TRAPPC1: variants seen among roughly 807,000 people sequenced by gnomAD.
The protein encoded by TRAPPC1 is BET5 homolog.
A neutral mutation model predicts 17.2 loss-of-function variants in TRAPPC1; 10 were observed. The ratio of observed to expected loss-of-function variants is 0.58; its 90% CI spans 0.36 to 0.99. The LOEUF (loss-of-function observed/expected upper bound fraction) is 0.99. Ranked by LOEUF, TRAPPC1 falls within the 50% of genes least tolerant of loss-of-function variation. TRAPPC1 has a pLI of 0.01. For synonymous variants in TRAPPC1, 85 were observed against 74.5 expected (o/e 1.14, Z -0.72); for missense variants, 163 against 184.4 (o/e 0.88, Z 0.67).
chr17:7,931,987 A>C (rs1972550864), upstream of TRAPPC1: 5 of 667,354 alleles, frequency 7.5e-6, no homozygotes, highest in Admixed American at 9.7e-5. Flanking sequence ...GTTTCCACGG[A>C]GCTCCGCCCC....
chr17:7,931,180 G>C, intron 2 of TRAPPC1, 31 bp from the exon 3 acceptor site: 1 of 1,611,124 alleles, frequency 6.2e-7, no homozygotes, highest in Non-Finnish European at 8.5e-7. Flanking sequence ...TTAAAGAATG[G>C]GAGCAGAATC....
chr17:7,931,639 C>T (rs904732818), intron 1 of TRAPPC1, 63 bp from the exon 2 acceptor site: 3 of 1,497,008 alleles, frequency 2.0e-6, no homozygotes, highest in East Asian at 4.5e-5. Context: ...GGGGTGGGAA[C>T]GAGCTGGGGT....
In TRAPPC1 at chr17:7,930,576, G is replaced by A; in HGVS notation, c.*30C>T. 6.2e-7 allele frequency: 1 copy of A among 1,613,640 alleles called. No individual in the cohort carries two copies. The highest frequency in any genetic ancestry group is 8.5e-7 in the Non-Finnish European group (1 of 1,179,858). ...GTTCGGAAGGGCCCCAGGCAGACATGAATTCTCCTGAGACTTGAGGTAGGT... is the reference window on the plus strand; with the variant it reads ...GTTCGGAAGGGCCCCAGGCAGACATAAATTCTCCTGAGACTTGAGGTAGGT... On this transcript the variant is annotated 3_prime_UTR_variant, in exon 4 of 4. Transcript: ENST00000303731.
rs1972480461 is a variant in TRAPPC1 at position 7,931,199 on chromosome 17, A to C, written c.171-50T>G. The stretch of plus-strand genomic sequence containing the variant: ...AGAATGGGAGCAGAATCTCTCCCAA[A>C]GAGACACTTCTGATCCCCGCAAACA... On this transcript the variant is annotated intron_variant, in intron 2 of 3. Transcript: ENST00000303731. 4 of 1,601,000 alleles carry C rather than the reference A, an allele frequency of 2.5e-6. No homozygotes were observed. In the East Asian group the frequency reaches 6.7e-5, roughly 27 times the overall value.
chr17:7,930,391 G>A lies in TRAPPC1; in HGVS notation c.*215C>T. 1.7e-6 allele frequency: 1 copy of A among 584,908 alleles called. No homozygotes were observed. Among genetic ancestry groups the A allele is most frequent in the Non-Finnish European group, 3.0e-6 (1 of 331,756 alleles). 36.2% of individuals were successfully genotyped at this position (584,908 alleles called of 1,614,324 possible). A position where few individuals can be genotyped will look rare whatever the true frequency, so the allele number is the denominator to read the frequency against. On this transcript the variant is annotated 3_prime_UTR_variant, in exon 4 of 4. Coordinates refer to ENST00000303731, the MANE Select transcript of TRAPPC1 (RefSeq NM_021210.5). ...TATTCTGTGCTTCTCGCAGCATTAG[G>A]CAGGGGATAAAACTGGAGAGAGGGC...
intron 1 of TRAPPC1, 58 bp from the exon 2 acceptor site, chr17:7,931,634 G>T: frequency 1.5e-6 from 1 of 681,508 alleles, no homozygotes; most frequent in Non-Finnish European, 2.6e-6. Flanking sequence ...GGTGGGGGGT[G>T]GGAACGAGCT....
chr17:7,931,483 A>G (rs771549251), intron 2 of TRAPPC1, 23 bp downstream of exon 2: 9 of 1,610,902 alleles, frequency 5.6e-6, no homozygotes, highest in Non-Finnish European at 5.9e-6. Flanking sequence ...CCTCCTCCCA[A>G]CATCTTCTCT....
chr17:7,931,444 TC>T (rs1307562876), intron 2 of TRAPPC1, 61 bp downstream of exon 2: 49 of 1,546,138 alleles, frequency 3.2e-5, no homozygotes, highest in Non-Finnish European at 4.3e-5. Context: ...TCAGAAAGTT[TC>T]CCCCATCCCC....
At chr17:7,931,184 C>G in intron 2 of TRAPPC1, 35 bp from the exon 3 acceptor site, 1 of 1,609,180 alleles carries the variant, frequency 6.2e-7, no homozygotes, top group Non-Finnish European at 8.5e-7. Flanking sequence ...AGAATGGGAG[C>G]AGAATCTCTC....
At chr17:7,931,984 C>G, upstream of TRAPPC1, 1 of 671,702 alleles carries the variant, frequency 1.5e-6, no homozygotes, top group South Asian at 1.7e-5. Context: ...CCGGTTTCCA[C>G]GGAGCTCCGC....
At position 7,930,547 on chromosome 17, in the gene TRAPPC1, A is replaced by C; in HGVS notation, c.*59T>G. The C allele has an allele frequency of 2.5e-6, 4 of 1,609,728 alleles. No individual in the cohort carries two copies. Among genetic ancestry groups the C allele is most frequent in the Non-Finnish European group, 3.4e-6 (4 of 1,178,218 alleles). ...CTTACAGTGGGGGCCCTTAGTTGGC[A>C]CAGGTTCGGAAGGGCCCCAGGCAGA... On this transcript the variant is annotated 3_prime_UTR_variant, in exon 4 of 4. Coordinates refer to ENST00000303731, the MANE Select transcript of TRAPPC1 (RefSeq NM_021210.5).
Position 7,931,921 on chromosome 17 carries a change from AC to A in TRAPPC1, c.-93del, listed in dbSNP as rs1200009509. On this transcript the variant is annotated 5_prime_UTR_variant, in exon 1 of 4. Coordinates refer to ENST00000303731, the MANE Select transcript of TRAPPC1 (RefSeq NM_021210.5). The stretch of plus-strand genomic sequence containing the variant: ...CCCACAGCCTTCCAACCAGGTGGGG[AC>A]CCCACCCACGGACTCACCGGAACTG... 2 of 1,092,062 alleles carry A rather than the reference AC, an allele frequency of 1.8e-6. No homozygotes were observed. The highest frequency in any genetic ancestry group is 3.1e-5 in the African/African-American group (2 of 64,842). 67.6% of individuals were successfully genotyped at this position (1,092,062 alleles called of 1,614,324 possible).
In TRAPPC1 at chr17:7,930,607, C is replaced by T. The variant is rs1317319894; in HGVS notation, c.437G>A (p.Ter146=). The change falls in exon 4 of 4, where the codon TGA becomes TAA. Residue 146 remains the stop codon, a stop_retained_variant. Transcript: ENST00000303731. ...SLPFFSARAG[*] is the part of the protein sequence containing the mutation. Reference sequence around the variant, plus strand: ...TCCTGAGACTTGAGGTAGGTTGCTTCAGCCAGCCCGGGCGGAGAAGAAGGG... The same window carrying T: ...TCCTGAGACTTGAGGTAGGTTGCTTTAGCCAGCCCGGGCGGAGAAGAAGGG... The T allele has an allele frequency of 1.2e-6, 2 of 1,614,100 alleles. No homozygotes were observed.
chr17:7,931,381 C>T, intron 2 of TRAPPC1, 125 bp downstream of exon 2: 1 of 1,131,850 alleles, frequency 8.8e-7, no homozygotes, highest in South Asian at 1.4e-5. Flanking sequence ...GCTCCGGACT[C>T]AGCCTCTCTT....
At chr17:7,930,873 G>C (rs959574166) in intron 3 of TRAPPC1, 138 bp downstream of exon 3, 36 of 1,485,720 alleles carry the variant, frequency 2.4e-5, no homozygotes, top group African/African-American at 4.2e-5. Flanking sequence ...GAAAGTGGTG[G>C]TGGGAGTTAA....
At position 7,930,695 on chromosome 17, in the gene TRAPPC1, G is replaced by A. The variant is rs765867659; in HGVS notation, c.349C>T (p.Leu117=). Reference sequence around the variant, plus strand: ...AGCTCACTTTGCACAGTTTGGCCCAGCGGGCACAGGGGATTCTTCACCACC... The same window carrying A: ...AGCTCACTTTGCACAGTTTGGCCCAACGGGCACAGGGGATTCTTCACCACC... The part of the protein sequence containing the change: ...ELVVKNPLCP[L]GQTVQSELFR... Residue 117 remains leucine, a synonymous_variant, in exon 4 of 4, where the codon CTG becomes TTG. Coordinates refer to ENST00000303731, the MANE Select transcript of TRAPPC1 (RefSeq NM_021210.5). The A allele has an allele frequency of 6.2e-7, 1 of 1,614,178 alleles. No homozygotes were observed. Among genetic ancestry groups the A allele is most frequent in the East Asian group, 2.2e-5 (1 of 44,888 alleles).
intron 1 of TRAPPC1, 54 bp downstream of exon 1, chr17:7,931,677 A>G: frequency 3.2e-6 from 5 of 1,583,498 alleles, no homozygotes; most frequent in Non-Finnish European, 4.3e-6. Context: ...GGTTGGGACT[A>G]TAGGTGTTTG....
At chr17:7,931,257 T>A in intron 2 of TRAPPC1, 108 bp from the exon 3 acceptor site, 1 of 1,388,060 alleles carries the variant, frequency 7.2e-7, no homozygotes, top group Non-Finnish European at 9.7e-7. Context: ...ATATCCTTTG[T>A]AGAAGCCTGG....
In TRAPPC1 at chr17:7,931,131, G is replaced by C. The variant is rs1380262446; in HGVS notation, c.189C>G (p.Ala63=). ...GGAGTTTGTAACGGCTAGTTTGGAAGGCCAGGAAGCCATCCTTCCTGCAGA... is the reference window on the plus strand; with the variant it reads ...GGAGTTTGTAACGGCTAGTTTGGAACGCCAGGAAGCCATCCTTCCTGCAGA... ...SPLDMKDGFL[A]FQTSRYKLHY... is the part of the protein sequence containing the mutation. Residue 63 remains alanine (A), a synonymous_variant, in exon 3 of 4, where the codon GCC becomes GCG. Coordinates refer to ENST00000303731, the MANE Select transcript of TRAPPC1 (RefSeq NM_021210.5). 6.2e-7 allele frequency: 1 copy of C among 1,613,982 alleles called. No homozygotes were observed. The highest frequency in any genetic ancestry group is 1.7e-5 in the Admixed American group (1 of 60,006).
Sources: allele counts gnomAD v4.1 joint callset, GRCh38; gene constraint gnomAD v4.1.1; transcripts MANE v1.5; gene names NCBI Gene and HGNC (gene_info 2026-07-23, HGNC 2026-07-21).